RBFOX1: variants seen among roughly 807,000 people sequenced by gnomAD.
RBFOX1 encodes RNA binding fox-1 homolog 1.
RBFOX1 carries 8 observed loss-of-function variants against 57.7 expected under a neutral mutation model. The observed-to-expected ratio is 0.14, with a 90% CI of 0.08 to 0.25. The LOEUF (loss-of-function observed/expected upper bound fraction) is 0.25. RBFOX1 is among the 10% of genes least tolerant of loss of function. The pLI is 1.00. For synonymous variants in RBFOX1, 326 were observed against 222.4 expected, an observed-to-expected ratio of 1.47 and a Z score of -4.15; for missense variants, 611 against 548.5, an observed-to-expected ratio of 1.11 and a Z score of -1.14.
At position 5,444,616 on chromosome 16, in the gene RBFOX1, G is replaced by A. The variant is rs565784927; in HGVS notation, c.220-22600G>A. ...GCCCCAGAAATTACGGGATCTCATGGCCAGATGTCTCTGGAGCTAGTGGCA... is the reference window on the plus strand; with the variant it reads ...GCCCCAGAAATTACGGGATCTCATGACCAGATGTCTCTGGAGCTAGTGGCA... On this transcript the variant is annotated intron_variant, in intron 1 of 2. Transcript: ENST00000585867. Among the ~76,000 whole-genome samples, 5 of 152,272 alleles carry A rather than the reference G, an allele frequency of 3.3e-5. No homozygotes were observed. In the East Asian group the frequency reaches 9.7e-4, roughly 29 times the overall value.
intron 1 of RBFOX1, among the ~76,000 whole-genome samples, chr16:6,088,160 T>C (rs1466929912): frequency 2.0e-5 from 3 of 152,202 alleles, no homozygotes; most frequent in African/African-American, 4.8e-5. Flanking sequence ...TGATTTACTC[T>C]ACCAGAAAAC....
intron 4 of RBFOX1, among the ~76,000 whole-genome samples, chr16:7,440,611 T>C (rs1598462887): frequency 6.6e-6 from 1 of 152,214 alleles, no homozygotes; most frequent in Non-Finnish European, 1.5e-5. Context: ...GGAGAGTTGC[T>C]TAATGAATTT....
At chr16:6,749,738 A>T (rs955401907) in intron 3 of RBFOX1, among the ~76,000 whole-genome samples, 13 of 152,222 alleles carry the variant, frequency 8.5e-5, no homozygotes, top group Non-Finnish European at 1.5e-4. Flanking sequence ...GCTTAAGAAT[A>T]ACAGCGACTT....
chr16:6,964,714 G>A (rs1338358254), intron 3 of RBFOX1, among the ~76,000 whole-genome samples: 3 of 152,176 alleles, frequency 2.0e-5, no homozygotes, highest in Admixed American at 2.0e-4. Flanking sequence ...TGTCTCTGAT[G>A]AGGTAAGGTC....
chr16:7,028,884 C>G (rs2041816100), intron 3 of RBFOX1, among the ~76,000 whole-genome samples: 1 of 150,792 alleles, frequency 6.6e-6, no homozygotes, highest in Admixed American at 6.6e-5. Flanking sequence ...AATCCAAGCT[C>G]TGCCACTCAG....
In RBFOX1 at chr16:6,199,382, G is replaced by A. The variant is rs547359818; in HGVS notation, c.-126-117613G>A. Among the ~76,000 whole-genome samples the A allele has an allele frequency of 4.1e-4, 63 of 152,256 alleles. 1 individual carries two copies. Among genetic ancestry groups the A allele is most frequent in the African/African-American group, 1.5e-3 (62 of 41,546 alleles). ...TTTCTAGTTCATGAAAGTCAAATGA[G>A]CTGTGACCATAGTCTCCCAAACTTA... On this transcript the variant is annotated intron_variant, in intron 1 of 15. Coordinates refer to ENST00000550418, the MANE Select transcript of RBFOX1 (RefSeq NM_018723.4).
At chr16:7,312,591 C>G (rs1019236677) in intron 4 of RBFOX1, among the ~76,000 whole-genome samples, 1 of 152,164 alleles carries the variant, frequency 6.6e-6, no homozygotes, top group Non-Finnish European at 1.5e-5. Context: ...GGGAGCTCTT[C>G]TCTTTCTTCC....
At chr16:6,645,946 G>C (rs1568024319) in intron 2 of RBFOX1, among the ~76,000 whole-genome samples, 1 of 152,138 alleles carries the variant, frequency 6.6e-6, no homozygotes, top group Non-Finnish European at 1.5e-5. Flanking sequence ...CCCTAGCAGT[G>C]TGATTCTGCT....
intron 1 of RBFOX1, among the ~76,000 whole-genome samples, chr16:6,227,039 G>A (rs1327668460): frequency 1.3e-5 from 2 of 151,628 alleles, no homozygotes; most frequent in Admixed American, 6.6e-5. Flanking sequence ...CAGGATAATC[G>A]CTTGAATCTG....
At chr16:6,728,071 T>C (rs2067658624) in intron 3 of RBFOX1, among the ~76,000 whole-genome samples, 1 of 152,222 alleles carries the variant, frequency 6.6e-6, no homozygotes, top group African/African-American at 2.4e-5. Context: ...GTCAGGATTT[T>C]AGCATAGAGC....
At chr16:5,746,547 G>A (rs1056893912) in intron 3 of RBFOX1, among the ~76,000 whole-genome samples, 3 of 152,174 alleles carry the variant, frequency 2.0e-5, no homozygotes, top group South Asian at 2.1e-4. Context: ...CCATCTTCAC[G>A]ATATTGGTTC....
chr16:6,537,495 A>C, intron 2 of RBFOX1, among the ~76,000 whole-genome samples: 1 of 151,944 alleles, frequency 6.6e-6, no homozygotes, highest in South Asian at 2.1e-4. Flanking sequence ...TTGAGGGGCT[A>C]TAAGCTTACA....
intron 1 of RBFOX1, among the ~76,000 whole-genome samples, chr16:6,159,150 C>T (rs1295269414): frequency 6.6e-6 from 1 of 152,140 alleles, no homozygotes; most frequent in Non-Finnish European, 1.5e-5. Flanking sequence ...GATCTCAGCT[C>T]ACTGCAACCT....
chr16:6,708,953 G>T (rs780270843), intron 3 of RBFOX1, among the ~76,000 whole-genome samples: 9 of 151,218 alleles, frequency 6.0e-5, no homozygotes, highest in South Asian at 2.1e-4. Context: ...CCTAGTAGCG[G>T]TGGCTGGTTA....
At chr16:6,766,638 G>T (rs1001212363) in intron 3 of RBFOX1, among the ~76,000 whole-genome samples, 1 of 151,888 alleles carries the variant, frequency 6.6e-6, no homozygotes, top group East Asian at 1.9e-4. Flanking sequence ...CTACCAAGGA[G>T]CTGAATTTTA....
At chr16:6,880,705 G>T (rs2062761267) in intron 3 of RBFOX1, among the ~76,000 whole-genome samples, 1 of 152,194 alleles carries the variant, frequency 6.6e-6, no homozygotes, top group Non-Finnish European at 1.5e-5. Context: ...ATGTTCCAGA[G>T]TCAGTTTGAC....
intron 1 of RBFOX1, among the ~76,000 whole-genome samples, chr16:5,357,215 C>T (rs990376058): frequency 1.3e-5 from 2 of 152,132 alleles, no homozygotes; most frequent in Non-Finnish European, 1.5e-5. Context: ...AGTGGGGTTG[C>T]CACAGCCATG....
intron 3 of RBFOX1, among the ~76,000 whole-genome samples, chr16:6,909,780 T>G (rs1392286765): frequency 6.6e-6 from 1 of 152,144 alleles, no homozygotes; most frequent in East Asian, 1.9e-4. Flanking sequence ...GTGTGGTTCT[T>G]CCCTTATTAC....
chr16:5,255,856 A>C (rs890678415), intron 1 of RBFOX1, among the ~76,000 whole-genome samples: 2 of 152,000 alleles, frequency 1.3e-5, no homozygotes. Context: ...GCTCAAACTG[A>C]GCTGCCTCCT....
Sources: gnomAD v4.1 joint callset for allele counts (sites outside exome capture counted in the v4.1 genomes callset) on GRCh38, gnomAD v4.1.1 for gene constraint, MANE v1.5 for transcripts, NCBI Gene and HGNC (gene_info 2026-07-23, HGNC 2026-07-21) for gene names.